The following FIBCD1 variants were observed in gnomAD, a reference collection of about 807,000 sequenced individuals.
The protein encoded by FIBCD1 is fibrinogen C domain containing 1, also known as fibrinogen C domain-containing protein 1.
A neutral mutation model predicts 45.1 loss-of-function variants in FIBCD1; 47 were observed. The observed-to-expected ratio is 1.04, with a 90% CI of 0.82 to 1.33. The LOEUF is 1.33. FIBCD1 is among the 40% of genes most tolerant of loss of function. The pLI, the probability that FIBCD1 is intolerant of heterozygous loss-of-function variation, is 0.00. For synonymous variants in FIBCD1, 313 were observed against 308.1 expected (o/e 1.02, Z -0.17); for missense variants, 653 against 682.2 (o/e 0.96, Z 0.48).
chr9:130,930,121 C>G (rs754845828), intron 1 of FIBCD1, 75 bp from the exon 2 acceptor site: 2 of 1,448,538 alleles, frequency 1.4e-6, no homozygotes, highest in Non-Finnish European at 9.0e-7. Flanking sequence ...AGAGGCATAC[C>G]TGGGGTCAGA....
chr9:130,919,734 G>A (rs1350024015), intron 4 of FIBCD1, among the ~76,000 whole-genome samples: 2 of 152,240 alleles, frequency 1.3e-5, no homozygotes, highest in African/African-American at 4.8e-5. Flanking sequence ...AAAGAACAGG[G>A]TTTGGGCCAC....
upstream of FIBCD1, among the ~76,000 whole-genome samples, chr9:130,940,479 G>A (rs1402804439): frequency 1.3e-5 from 2 of 152,194 alleles, no homozygotes; most frequent in Non-Finnish European, 2.9e-5. Flanking sequence ...CTGGCCCCTC[G>A]GCCTTTCCTA....
chr9:130,911,735 G>A (rs896296414), intron 5 of FIBCD1, 57 bp downstream of exon 5: 10 of 1,491,126 alleles, frequency 6.7e-6, no homozygotes, highest in Non-Finnish European at 7.3e-6. Flanking sequence ...ACCCAACTGT[G>A]TCCGGAAGGC....
chr9:130,912,925 C>T (rs537993274), intron 4 of FIBCD1, among the ~76,000 whole-genome samples: 16 of 152,232 alleles, frequency 1.1e-4, no homozygotes, highest in Middle Eastern at 3.4e-3. Flanking sequence ...AGAGCCCTGT[C>T]CCTCAATAAG....
chr9:130,913,813 A>G (rs562776643), intron 4 of FIBCD1, among the ~76,000 whole-genome samples: 10 of 152,284 alleles, frequency 6.6e-5, no homozygotes, highest in Non-Finnish European at 1.2e-4. Flanking sequence ...GGGGAGCTAG[A>G]GGGACCGGCA....
chr9:130,936,572 G>A (rs577041552), intron 1 of FIBCD1, among the ~76,000 whole-genome samples: 3 of 152,248 alleles, frequency 2.0e-5, no homozygotes, highest in Non-Finnish European at 4.4e-5. Flanking sequence ...AGAGGAAGGC[G>A]GGGCCCGGCC....
chr9:130,904,605 A>G (rs1359240923), intron 6 of FIBCD1, among the ~76,000 whole-genome samples: 2 of 151,890 alleles, frequency 1.3e-5, no homozygotes, highest in Non-Finnish European at 2.9e-5. Flanking sequence ...GCTTTTCCAC[A>G]TTCCCTCTCC....
At chr9:130,920,497 C>T (rs1284621920) in intron 4 of FIBCD1, among the ~76,000 whole-genome samples, 9 of 152,126 alleles carry the variant, frequency 5.9e-5, no homozygotes, top group Admixed American at 2.0e-4. Flanking sequence ...CCAAAGGGTG[C>T]CAACAGCCAT....
At chr9:130,913,302 G>A (rs990281710) in intron 4 of FIBCD1, among the ~76,000 whole-genome samples, 1 of 150,152 alleles carries the variant, frequency 6.7e-6, no homozygotes, top group Admixed American at 6.6e-5. Flanking sequence ...AGCGCCCGCG[G>A]CCCGGCCGGC....
At chr9:130,930,925 G>A (rs1433872897) in intron 1 of FIBCD1, 2 of 430,732 alleles carry the variant, frequency 4.6e-6, no homozygotes, top group Non-Finnish European at 9.5e-6. Flanking sequence ...GGGGTAGCGG[G>A]CACCCATCAC....
rs1305095088 is a variant in FIBCD1 at position 130,903,287 on chromosome 9, C to G, written c.*777G>C. Reference sequence around the variant, plus strand: ...AATGGGATGGCAGCCCCAGCTGCCCCAGGTAGGAGGACGGCCGGGAGCTGG... The same window carrying G: ...AATGGGATGGCAGCCCCAGCTGCCCGAGGTAGGAGGACGGCCGGGAGCTGG... On this transcript the variant is annotated 3_prime_UTR_variant, in exon 7 of 7. Coordinates refer to ENST00000372338, the MANE Select transcript of FIBCD1 (RefSeq NM_032843.5). The G allele has an allele frequency of 6.5e-6, 1 of 153,714 alleles. No individual in the cohort carries two copies. Among genetic ancestry groups the G allele is most frequent in the East Asian group, 1.9e-4 (1 of 5,212 alleles). The allele number at this position is 153,714 out of a possible 1,614,324, so 9.5% of individuals were successfully genotyped here. A position where few individuals can be genotyped will look rare whatever the true frequency, so the allele number is the denominator to read the frequency against.
chr9:130,910,682 A>G (rs578092889), intron 5 of FIBCD1, among the ~76,000 whole-genome samples: 312 of 148,366 alleles, frequency 2.1e-3, no homozygotes, highest in African/African-American at 4.2e-3. Flanking sequence ...TTGTAAACAC[A>G]CCAATCAGCA....
rs1230212968 is a variant in FIBCD1 at position 130,938,531 on chromosome 9, C to T, written c.72+5G>A. The T allele has an allele frequency of 9.4e-6, 14 of 1,488,528 alleles. No individual in the cohort carries two copies. The East Asian group carries it at 3.7e-4, about 40-fold the overall frequency. 92.2% of individuals were successfully genotyped at this position (1,488,528 alleles called of 1,614,324 possible). On this transcript the variant is annotated splice_donor_5th_base_variant and intron_variant, in intron 1 of 6. Coordinates refer to ENST00000372338, the MANE Select transcript of FIBCD1 (RefSeq NM_032843.5). ...CAGGCCCCGTGTCCCAGCGCCCGAGCGTACCTGCGGCTTGTCGCGCGGCCG... is the reference window on the plus strand; with the variant it reads ...CAGGCCCCGTGTCCCAGCGCCCGAGTGTACCTGCGGCTTGTCGCGCGGCCG...
intron 1 of FIBCD1, 123 bp downstream of exon 1, chr9:130,938,413 C>G: frequency 1.3e-6 from 1 of 795,158 alleles, no homozygotes. Context: ...CGGCCCGGGC[C>G]TCCGGAGCCT....
At chr9:130,911,721 T>C in intron 5 of FIBCD1, 71 bp downstream of exon 5, 1 of 1,408,902 alleles carries the variant, frequency 7.1e-7, no homozygotes, top group Non-Finnish European at 9.8e-7. Context: ...AGGGAGCAGC[T>C]GGGACCCAAC....
At chr9:130,911,693 C>A in intron 5 of FIBCD1, 99 bp downstream of exon 5, 1 of 1,120,020 alleles carries the variant, frequency 8.9e-7, no homozygotes, top group Non-Finnish European at 1.3e-6. Context: ...GCCAGGGAAA[C>A]CCAGCCCAAA....
intron 5 of FIBCD1, among the ~76,000 whole-genome samples, chr9:130,911,147 G>A (rs1176040989): frequency 1.7e-4 from 26 of 152,180 alleles, no homozygotes; most frequent in Admixed American, 1.7e-3. Flanking sequence ...CTGCTTTTAT[G>A]AGCTGCAACA....
chr9:130,916,763 T>G (rs893893367), intron 4 of FIBCD1, among the ~76,000 whole-genome samples: 1 of 152,166 alleles, frequency 6.6e-6, no homozygotes, highest in Non-Finnish European at 1.5e-5. Flanking sequence ...CTTCCCCTTC[T>G]TTCTGCCCCA....
intron 4 of FIBCD1, among the ~76,000 whole-genome samples, chr9:130,912,973 G>A (rs887985012): frequency 2.6e-5 from 4 of 152,176 alleles, no homozygotes; most frequent in African/African-American, 9.7e-5. Context: ...CAGGGGTCGG[G>A]GTGCTGGGAA....
Sources: allele counts gnomAD v4.1 joint callset (sites outside exome capture counted in the v4.1 genomes callset), GRCh38; gene constraint gnomAD v4.1.1; transcripts MANE v1.5; gene names NCBI Gene and HGNC (gene_info 2026-07-23, HGNC 2026-07-21).